PDE8B: variants seen among roughly 807,000 people sequenced by gnomAD.
The protein encoded by PDE8B is phosphodiesterase 8B, also known as high affinity cAMP-specific and IBMX-insensitive 3',5'-cyclic phosphodiesterase 8B.
A neutral mutation model predicts 101.3 loss-of-function variants in PDE8B; 26 were observed. The observed-to-expected ratio is 0.26, with a 90% CI of 0.19 to 0.36. The LOEUF is 0.36. PDE8B is among the 10% of genes least tolerant of loss of function. The pLI, the probability that PDE8B is intolerant of heterozygous loss-of-function variation, is 1.00. For missense variants in PDE8B, 810 were observed against 1,163.1 expected, an observed-to-expected ratio of 0.70 and a Z score of 4.42; for synonymous variants, 424 against 429.3, an observed-to-expected ratio of 0.99 and a Z score of 0.15.
the PDE8B span, among the ~76,000 whole-genome samples, chr5:77,090,467 G>T: frequency 4.8e-3 from 736 of 152,228 alleles, 7 homozygotes; most frequent in African/African-American, 0.017. Context: ...TAGAGACGGG[G>T]TTTCACTGTG....
intron 15 of PDE8B, 90 bp from the exon 16 acceptor site, chr5:77,412,010 T>C (rs1794663223): frequency 1.5e-6 from 2 of 1,351,854 alleles, no homozygotes. Flanking sequence ...AGACTTTTTT[T>C]CTAGTAGTAA....
chr5:77,256,149 A>G (rs1759122975), intron 1 of PDE8B, among the ~76,000 whole-genome samples: 1 of 152,222 alleles, frequency 6.6e-6, no homozygotes, highest in African/African-American at 2.4e-5. Context: ...TGTAAAAGCA[A>G]TTTGTATTTT....
intron 10 of PDE8B, among the ~76,000 whole-genome samples, chr5:77,393,937 A>G (rs747599249): frequency 5.9e-5 from 9 of 152,216 alleles, no homozygotes; most frequent in African/African-American, 9.6e-5. Flanking sequence ...TATAAAGTCA[A>G]TGTCAATTCC....
At chr5:77,411,442 C>A (rs1348963483) in intron 14 of PDE8B, among the ~76,000 whole-genome samples, 1 of 152,154 alleles carries the variant, frequency 6.6e-6, no homozygotes, top group Non-Finnish European at 1.5e-5. Context: ...TGAGTCCTGA[C>A]ACAGTCACAT....
chr5:77,407,686 G>A (rs1239826306), intron 13 of PDE8B, among the ~76,000 whole-genome samples: 2 of 152,208 alleles, frequency 1.3e-5, no homozygotes, highest in African/African-American at 4.8e-5. Context: ...TAAGTAGGTT[G>A]GAAGAGAGGG....
At chr5:77,342,689 C>G (rs1779426064) in intron 6 of PDE8B, among the ~76,000 whole-genome samples, 1 of 151,900 alleles carries the variant, frequency 6.6e-6, no homozygotes, top group Non-Finnish European at 1.5e-5. Context: ...TGGAGTTGCT[C>G]TAGATTAGGA....
chr5:77,412,567 T>C (rs941327155), intron 16 of PDE8B, among the ~76,000 whole-genome samples: 3 of 150,384 alleles, frequency 2.0e-5, no homozygotes. Context: ...TTTTTTTTTT[T>C]CTGATCCATC....
rs567202930 is a variant in PDE8B, at chr5:77,244,513, A to G, written c.339+33249A>G. 7.2e-5 allele frequency among the ~76,000 whole-genome samples: 11 copies of G among 152,054 alleles called. No individual in the cohort carries two copies. In the East Asian group the frequency reaches 2.2e-3, roughly 30 times the overall value. Reference sequence around the variant, plus strand: ...ATGCCATAGAGGCAAGCTTCTTAACAGAAATACATCTGTTGGGAGTGGCCC... The same window carrying G: ...ATGCCATAGAGGCAAGCTTCTTAACGGAAATACATCTGTTGGGAGTGGCCC... On this transcript the variant is annotated intron_variant, in intron 1 of 21. Transcript: ENST00000264917.
chr5:77,277,600 T>TA (rs1764099290), intron 1 of PDE8B, among the ~76,000 whole-genome samples: 1 of 152,258 alleles, frequency 6.6e-6, no homozygotes, highest in African/African-American at 2.4e-5. Flanking sequence ...GCTATATTTT[T>TA]AAAATCTGTG....
chr5:77,299,914 T>G (rs1018352702), intron 1 of PDE8B, among the ~76,000 whole-genome samples: 1 of 151,940 alleles, frequency 6.6e-6, no homozygotes, highest in African/African-American at 2.4e-5. Context: ...AACATGAGAG[T>G]TGTAACTGAA....
At chr5:77,182,722 G>A in the PDE8B span, among the ~76,000 whole-genome samples, 3 of 150,362 alleles carry the variant, frequency 2.0e-5, no homozygotes, top group Admixed American at 1.3e-4. Flanking sequence ...AATATTGGAT[G>A]CCTAATTGCC....
the PDE8B span, among the ~76,000 whole-genome samples, chr5:77,108,501 G>A: frequency 2.2e-4 from 33 of 152,202 alleles, no homozygotes; most frequent in East Asian, 1.5e-3. Context: ...TGGGCAGCAT[G>A]GCGAAACCCC....
chr5:77,346,034 A>G (rs1431683779), intron 7 of PDE8B, among the ~76,000 whole-genome samples: 2 of 152,222 alleles, frequency 1.3e-5, no homozygotes, highest in East Asian at 1.9e-4. Context: ...TCATTGCCCT[A>G]TAGTGCAGAT....
intron 17 of PDE8B, among the ~76,000 whole-genome samples, chr5:77,417,322 C>A (rs1468782620): frequency 6.6e-6 from 1 of 152,150 alleles, no homozygotes; most frequent in Non-Finnish European, 1.5e-5. Flanking sequence ...TCTGTACTTT[C>A]CTTCTTAGCA....
At chr5:77,385,432 A>ATT (rs201364254) in intron 10 of PDE8B, among the ~76,000 whole-genome samples, 368 of 144,066 alleles carry the variant, frequency 2.6e-3, no homozygotes, top group Middle Eastern at 0.011. Flanking sequence ...GGATTCATTG[A>ATT]TTTTTTTTTT....
chr5:77,129,240 T>C, the PDE8B span, among the ~76,000 whole-genome samples: 2 of 152,132 alleles, frequency 1.3e-5, no homozygotes, highest in Admixed American at 6.5e-5. Context: ...CTCTAGTTGT[T>C]TTAAAAAGTT....
chr5:77,285,993 T>C (rs1004071393), intron 1 of PDE8B, among the ~76,000 whole-genome samples: 2 of 152,202 alleles, frequency 1.3e-5, no homozygotes, highest in African/African-American at 4.8e-5. Context: ...AGTTTTTTCT[T>C]TATTTTTCTG....
the PDE8B span, chr5:77,105,111 G>T: frequency 6.6e-6 from 1 of 152,202 alleles, no homozygotes; most frequent in South Asian, 2.1e-4. Flanking sequence ...GCATGTATCA[G>T]TGGATTCTTC....
the PDE8B span, among the ~76,000 whole-genome samples, chr5:77,138,423 T>C: frequency 7.2e-4 from 109 of 152,342 alleles, no homozygotes; most frequent in Non-Finnish European, 1.1e-3. Context: ...ATTTCAAGTA[T>C]AAAAATTATG....
Sources: allele counts gnomAD v4.1 joint callset (sites outside exome capture counted in the v4.1 genomes callset), GRCh38; gene constraint gnomAD v4.1.1; transcripts MANE v1.5; gene names NCBI Gene and HGNC (gene_info 2026-07-23, HGNC 2026-07-21).